The following CFAP47 variants were observed in gnomAD, a reference collection of about 807,000 sequenced individuals.
The protein encoded by CFAP47 is cilia- and flagella-associated protein 47.
CFAP47 carries 29 observed loss-of-function variants against 148.1 expected under a neutral mutation model. The observed-to-expected ratio is 0.20, with a 90% CI of 0.15 to 0.27. CFAP47 has a LOEUF of 0.27. Ranked by LOEUF, CFAP47 falls within the 10% of genes least tolerant of loss-of-function variation. CFAP47 has a pLI of 1.00. For synonymous variants in CFAP47, 664 were observed against 577.3 expected (o/e 1.15, Z -2.15); for missense variants, 1,872 against 1,697.5 (o/e 1.10, Z -1.81).
At chrX:36,016,787 G>A (rs1937101874) in intron 22 of CFAP47, among the ~76,000 whole-genome samples, 1 of 97,256 alleles carries the variant, frequency 1.0e-5, no homozygotes, top group Non-Finnish European at 2.0e-5. Context: ...TCAACGAACA[G>A]TATACAAGGG....
Position 36,031,367 on chromosome X carries a change from A to G in CFAP47, c.3651+20A>G, listed in dbSNP as rs1241978794. 3.5e-6 allele frequency: 1 copy of G among 284,573 alleles called. No homozygotes were observed. Among genetic ancestry groups the G allele is most frequent in the Non-Finnish European group, 6.2e-6 (1 of 162,410 alleles). 23.5% of individuals were successfully genotyped at this position (284,573 alleles called of 1,213,427 possible). ...ACTCAGGTATGTATAAAGAAGTGAT[A>G]CAGTTTACAATTCTTTTCATGATTA... On this transcript the variant is annotated intron_variant, in intron 23 of 63. Transcript: ENST00000378653.
At chrX:35,954,254 A>T (rs6632433) in intron 7 of CFAP47, among the ~76,000 whole-genome samples, 1 of 110,035 alleles carries the variant, frequency 9.1e-6, no homozygotes, top group African/African-American at 3.3e-5. Context: ...TAGGTTGGTT[A>T]TAGTGAGGAA....
intron 1 of CFAP47, among the ~76,000 whole-genome samples, chrX:35,924,569 G>A (rs147408257): frequency 0.02 from 2,078 of 105,061 alleles, 82 homozygotes; most frequent in African/African-American, 0.07. Flanking sequence ...GCGCATATAT[G>A]TGTATATATG....
At chrX:36,057,271 T>C (rs1014990313) in intron 26 of CFAP47, among the ~76,000 whole-genome samples, 1 of 111,624 alleles carries the variant, frequency 9.0e-6, no homozygotes. Flanking sequence ...AGGGCAGAAG[T>C]AAAGAGACCA....
chrX:36,032,809 G>A (rs1937295979), intron 23 of CFAP47, among the ~76,000 whole-genome samples: 1 of 111,001 alleles, frequency 9.0e-6, no homozygotes, highest in Non-Finnish European at 1.9e-5. Flanking sequence ...TATGGTAAAG[G>A]ACTCGGAGAA....
At chrX:36,234,272 C>A (rs1555993482) in intron 46 of CFAP47, among the ~76,000 whole-genome samples, 1 of 110,946 alleles carries the variant, frequency 9.0e-6, no homozygotes, top group African/African-American at 3.3e-5. Context: ...TAGATTTGGT[C>A]TTTTCACATA....
chrX:36,030,017 A>G (rs890674660), intron 22 of CFAP47, among the ~76,000 whole-genome samples: 2 of 110,334 alleles, frequency 1.8e-5, no homozygotes, highest in African/African-American at 6.6e-5. Flanking sequence ...TTACTGAATT[A>G]TTTCTTCCTT....
chrX:36,305,875 T>C (rs1052524381), intron 54 of CFAP47, among the ~76,000 whole-genome samples: 1 of 111,690 alleles, frequency 9.0e-6, no homozygotes, highest in Non-Finnish European at 1.9e-5. Flanking sequence ...GAGATAAAAA[T>C]ATTAGATGTA....
At chrX:36,149,640 C>T (rs189217428) in intron 37 of CFAP47, among the ~76,000 whole-genome samples, 25 of 105,017 alleles carry the variant, frequency 2.4e-4, no homozygotes, top group African/African-American at 7.7e-4. Context: ...ACTGGGTTTC[C>T]CTCTGTCGCC....
At position 36,018,977 on chromosome X, in the gene CFAP47, C is replaced by T. The variant is rs111567012; in HGVS notation, c.3556+4065C>T. On this transcript the variant is annotated intron_variant, in intron 22 of 63. Coordinates refer to ENST00000378653, the MANE Select transcript of CFAP47 (RefSeq NM_001304548.2). ...TACAACAGTGATGATACCAGGTTTT[C>T]CTTACTAGGAGACTTTTTATTATGT... Among the ~76,000 whole-genome samples the T allele has an allele frequency of 9.6e-3, 1,071 of 111,274 alleles. 3 individuals are homozygous for T. The highest frequency in any genetic ancestry group is 0.015 in the Non-Finnish European group (799 of 53,033).
chrX:36,034,294 A>G (rs775593444), intron 23 of CFAP47, among the ~76,000 whole-genome samples: 42 of 111,366 alleles, frequency 3.8e-4, no homozygotes, highest in Non-Finnish European at 7.0e-4. Flanking sequence ...TACCGAGGTG[A>G]AATAATTTTT....
In CFAP47 at chrX:35,959,892, A is replaced by C. The variant is rs1038681816; in HGVS notation, c.1410+3696A>C. The stretch of plus-strand genomic sequence containing the variant: ...AGACTCCGTCTCAAAAAAAAAAAAA[A>C]AAAAAAAAACTATTTGTTATTTTTT... On this transcript the variant is annotated intron_variant, in intron 8 of 63. Transcript: ENST00000378653. Among the ~76,000 whole-genome samples the C allele has an allele frequency of 9.2e-5, 10 of 109,130 alleles. No individual in the cohort carries two copies. The East Asian group carries it at 1.7e-3, about 19-fold the overall frequency. The allele number at this position is 109,130 out of a possible 115,157, so 94.8% of individuals were successfully genotyped here.
chrX:36,344,434 C>CA (rs1941680546), intron 57 of CFAP47, among the ~76,000 whole-genome samples: 1 of 110,680 alleles, frequency 9.0e-6, no homozygotes, highest in Non-Finnish European at 1.9e-5. Flanking sequence ...CTTATCCATC[C>CA]AAAGGTATAA....
chrX:36,326,111 C>T (rs900191933), intron 57 of CFAP47, among the ~76,000 whole-genome samples: 1 of 111,251 alleles, frequency 9.0e-6, no homozygotes, highest in Non-Finnish European at 1.9e-5. Flanking sequence ...TGTTTCTAGA[C>T]TTTATTTAGT....
intron 48 of CFAP47, among the ~76,000 whole-genome samples, chrX:36,243,686 T>TAC (rs1940578189): frequency 1.3e-5 from 1 of 79,899 alleles, no homozygotes; most frequent in Non-Finnish European, 2.4e-5. Flanking sequence ...TATATATATA[T>TAC]ATTCAATATT....
rs1051545348 is a variant in CFAP47 at position 36,195,256 on chromosome X, A to T, written c.6321+5060A>T. On this transcript the variant is annotated intron_variant, in intron 42 of 63. Transcript: ENST00000378653. ...GATTAATACAGGAGTTTGATCAAGG[A>T]TGAGTTGCCAATAAAACAAAGAGAC... 8.0e-5 allele frequency among the ~76,000 whole-genome samples: 9 copies of T among 112,439 alleles called. No homozygotes were observed. The South Asian group carries it at 2.6e-3, about 32-fold the overall frequency.
intron 57 of CFAP47, 35 bp downstream of exon 57, chrX:36,319,342 T>A: frequency 3.1e-6 from 2 of 652,337 alleles, no homozygotes; most frequent in South Asian, 3.9e-5. Flanking sequence ...TATCATTCTG[T>A]TTGTTGTTGC....
intron 61 of CFAP47, among the ~76,000 whole-genome samples, chrX:36,364,905 T>C (rs1408633740): frequency 6.3e-5 from 1 of 15,770 alleles, no homozygotes; most frequent in Non-Finnish European, 9.0e-5. Context: ...TTTGTGCATA[T>C]ATATATATAT....
chrX:35,924,266 T>TATATATGG (rs1291186716), intron 1 of CFAP47, among the ~76,000 whole-genome samples: 5 of 99,476 alleles, frequency 5.0e-5, no homozygotes, highest in South Asian at 4.0e-4. Context: ...CATGTATGTG[T>TATATATGG]ACATGTATGT....
Sources: allele counts gnomAD v4.1 joint callset (sites outside exome capture counted in the v4.1 genomes callset), GRCh38; gene constraint gnomAD v4.1.1; transcripts MANE v1.5; gene names NCBI Gene and HGNC (gene_info 2026-07-23, HGNC 2026-07-21).